SMOC2: variants seen among roughly 807,000 people sequenced by gnomAD.
The protein encoded by SMOC2 is SPARC related modular calcium binding 2.
SMOC2 carries 39 observed loss-of-function variants against 61.4 expected under a neutral mutation model. The observed-to-expected ratio is 0.64, with a 90% confidence interval of 0.49 to 0.83. SMOC2 has a LOEUF of 0.83. SMOC2 is among the 40% of genes least tolerant of loss of function. SMOC2 has a pLI of 0.00. For synonymous variants in SMOC2, 247 were observed against 239.9 expected (o/e 1.03, Z -0.27); for missense variants, 556 against 592.9 (o/e 0.94, Z 0.65).
At chr6:168,445,610 G>A (rs1781314844) in intron 1 of SMOC2, among the ~76,000 whole-genome samples, 1 of 152,114 alleles carries the variant, frequency 6.6e-6, no homozygotes, top group Non-Finnish European at 1.5e-5. Flanking sequence ...GATCTTCAAG[G>A]GAATTACTGT....
At chr6:168,616,087 G>T (rs1351346249) in intron 9 of SMOC2, among the ~76,000 whole-genome samples, 1 of 152,156 alleles carries the variant, frequency 6.6e-6, no homozygotes, top group African/African-American at 2.4e-5. Flanking sequence ...ACCTCGCTTG[G>T]TGGCCTTTGA....
chr6:168,585,806 T>C (rs896813728), intron 7 of SMOC2, among the ~76,000 whole-genome samples: 1 of 152,254 alleles, frequency 6.6e-6, no homozygotes, highest in Non-Finnish European at 1.5e-5. Context: ...ACATCTTTCA[T>C]TTTGTCATGT....
chr6:168,663,128 AC>A (rs35917502), intron 11 of SMOC2, among the ~76,000 whole-genome samples: 143,612 of 152,132 alleles, frequency 0.94, 68,050 homozygotes, highest in African/African-American at 0.99. Flanking sequence ...CCTGAGGCCA[AC>A]CTGAGCCCAC....
intron 1 of SMOC2, among the ~76,000 whole-genome samples, chr6:168,441,715 C>T (rs962832332): frequency 6.6e-6 from 1 of 152,168 alleles, no homozygotes; most frequent in African/African-American, 2.4e-5. Context: ...CCTCGGGTTC[C>T]ACCCGGCTGG....
chr6:168,622,070 A>G (rs1297291359), intron 9 of SMOC2, among the ~76,000 whole-genome samples: 1 of 151,696 alleles, frequency 6.6e-6, no homozygotes, highest in Admixed American at 6.6e-5. Flanking sequence ...GGTTCACGCC[A>G]TTCTTCTGCC....
At chr6:168,606,528 T>C (rs998184532) in intron 8 of SMOC2, among the ~76,000 whole-genome samples, 1 of 152,154 alleles carries the variant, frequency 6.6e-6, no homozygotes, top group African/African-American at 2.4e-5. Context: ...CTCTGGGGCC[T>C]CTGTTAGAAC....
chr6:168,548,460 C>T (rs540877886), intron 6 of SMOC2, among the ~76,000 whole-genome samples: 4 of 150,798 alleles, frequency 2.7e-5, no homozygotes, highest in South Asian at 4.2e-4. Flanking sequence ...TGGGCTCAAG[C>T]GATTCTCCTG....
intron 7 of SMOC2, among the ~76,000 whole-genome samples, chr6:168,583,896 C>CAGAGGAGGGT (rs201152571): frequency 3.1e-4 from 47 of 152,160 alleles, no homozygotes; most frequent in African/African-American, 9.7e-4. Flanking sequence ...CAGAGGAGGG[C>CAGAGGAGGGT]GAGGGCCTTG....
rs1784164698 is a variant in SMOC2, at chr6:168,553,006, A to C, written c.637+3803A>C. The stretch of plus-strand genomic sequence containing the variant: ...AAAGATTTGTACCAGCATATGTTCC[A>C]CGGGCCCTACTGTAGCATCATTACT... On this transcript the variant is annotated intron_variant, in intron 7 of 12. Coordinates refer to ENST00000356284, the MANE Select transcript of SMOC2 (RefSeq NM_001166412.2). This position sits in a 1 kb window ranked among gnomAD's most constrained non-coding sequence, Gnocchi z 4.2. 6.6e-6 allele frequency among the ~76,000 whole-genome samples: 1 copy of C among 152,212 alleles called. No individual in the cohort carries two copies. The highest frequency in any genetic ancestry group is 1.5e-5 in the Non-Finnish European group (1 of 68,038).
At chr6:168,526,957 C>G (rs1452425228) in intron 3 of SMOC2, among the ~76,000 whole-genome samples, 4 of 152,158 alleles carry the variant, frequency 2.6e-5, no homozygotes, top group African/African-American at 9.7e-5. Context: ...TCAGCCAGCT[C>G]TCCGTTTTGA....
chr6:168,495,037 C>A (rs898451815), intron 1 of SMOC2, among the ~76,000 whole-genome samples: 5 of 152,244 alleles, frequency 3.3e-5, no homozygotes, highest in African/African-American at 1.2e-4. Flanking sequence ...CTGAAACCCG[C>A]AGGGAACCTG....
At chr6:168,502,924 G>A (rs919038677) in intron 1 of SMOC2, among the ~76,000 whole-genome samples, 2 of 151,520 alleles carry the variant, frequency 1.3e-5, no homozygotes, top group African/African-American at 2.4e-5. Context: ...GTGTCACCAC[G>A]CCTGGCTAAT....
intron 11 of SMOC2, among the ~76,000 whole-genome samples, chr6:168,661,484 C>T (rs1787507940): frequency 6.6e-6 from 1 of 152,078 alleles, no homozygotes; most frequent in Non-Finnish European, 1.5e-5. Flanking sequence ...AGCCTGTAAT[C>T]CCAGCTACTC....
At chr6:168,657,736 G>A (rs1787362978) in intron 11 of SMOC2, among the ~76,000 whole-genome samples, 1 of 152,138 alleles carries the variant, frequency 6.6e-6, no homozygotes, top group Non-Finnish European at 1.5e-5. Flanking sequence ...GAGGGCCTTT[G>A]TGCTGTGTCA....
chr6:168,554,003 G>A (rs1191996984), intron 7 of SMOC2, among the ~76,000 whole-genome samples: 1 of 150,080 alleles, frequency 6.7e-6, no homozygotes, highest in Non-Finnish European at 1.5e-5. Flanking sequence ...CATGGGACGA[G>A]TCGGTTAAAA....
chr6:168,497,615 G>A (rs1562556423), intron 1 of SMOC2, among the ~76,000 whole-genome samples: 2 of 152,136 alleles, frequency 1.3e-5, no homozygotes, highest in South Asian at 2.1e-4. Context: ...GCCTGCCCCC[G>A]GAACGTACCG....
At chr6:168,592,204 C>A (rs1207297888) in intron 7 of SMOC2, among the ~76,000 whole-genome samples, 1 of 152,250 alleles carries the variant, frequency 6.6e-6, no homozygotes, top group African/African-American at 2.4e-5. Context: ...TCCTGCTTCT[C>A]TCAATCTTCA....
At chr6:168,500,681 T>C (rs2115041798) in intron 1 of SMOC2, among the ~76,000 whole-genome samples, 1 of 152,294 alleles carries the variant, frequency 6.6e-6, no homozygotes, top group South Asian at 2.1e-4. Context: ...TCCAAGGCCA[T>C]GTGGGTGCAC....
chr6:168,577,237 G>A (rs925788195), intron 7 of SMOC2, among the ~76,000 whole-genome samples: 1 of 151,614 alleles, frequency 6.6e-6, no homozygotes, highest in Non-Finnish European at 1.5e-5. Context: ...ATCTAAACAC[G>A]CACTCTCTTC....
Sources: allele counts gnomAD v4.1 joint callset (sites outside exome capture counted in the v4.1 genomes callset), GRCh38; gene constraint gnomAD v4.1.1; non-coding constraint Gnocchi (gnomAD v3.1); transcripts MANE v1.5; gene names NCBI Gene and HGNC (gene_info 2026-07-23, HGNC 2026-07-21).